SUCLG2: variants seen among roughly 807,000 people sequenced by gnomAD.
The protein encoded by SUCLG2 is succinate-CoA ligase GDP-forming subunit beta.
Under a neutral mutation model 47.9 loss-of-function variants are expected in SUCLG2, and 42 were observed. The observed-to-expected ratio is 0.88, with a 90% CI of 0.69 to 1.14. The LOEUF (loss-of-function observed/expected upper bound fraction) is 1.14, where lower values mean the gene tolerates loss of function less well. Among genes scored for constraint, SUCLG2 ranks in the 50% most tolerant of loss-of-function variants. The pLI is 0.00. For missense variants in SUCLG2, 571 were observed against 525.9 expected, an observed-to-expected ratio of 1.09 and a Z score of -0.84; for synonymous variants, 195 against 197.3, an observed-to-expected ratio of 0.99 and a Z score of 0.10.
rs578223726 is a variant in SUCLG2 at position 67,386,649 on chromosome 3, G to C, written c.1184-10790C>G. On this transcript the variant is annotated intron_variant, in intron 10 of 10. Coordinates refer to ENST00000307227, the MANE Select transcript of SUCLG2 (RefSeq NM_003848.4). ...CCCCTTTGTAAAACTACCAGATCTT[G>C]TGAGGCTTATTCACTATCAGGAGAA... 2.9e-3 allele frequency among the ~76,000 whole-genome samples: 441 copies of C among 152,300 alleles called. 2 individuals carry two copies. Among genetic ancestry groups the C allele is most frequent in the African/African-American group, 0.01 (427 of 41,568 alleles).
chr3:67,479,710 T>A (rs1704860939), intron 9 of SUCLG2, among the ~76,000 whole-genome samples: 2 of 152,206 alleles, frequency 1.3e-5, no homozygotes, highest in South Asian at 4.1e-4. Context: ...GATGGTAACT[T>A]AACGGGGACA....
intron 9 of SUCLG2, among the ~76,000 whole-genome samples, chr3:67,423,493 G>A (rs914560257): frequency 2.6e-5 from 4 of 152,070 alleles, no homozygotes; most frequent in Admixed American, 2.6e-4. Flanking sequence ...AGTACTCAAA[G>A]TCTAGACACT....
intron 1 of SUCLG2, among the ~76,000 whole-genome samples, chr3:67,636,034 C>T (rs781429343): frequency 2.0e-5 from 3 of 152,210 alleles, no homozygotes. Flanking sequence ...GGGATTCAAG[C>T]TCAAGCGGAG....
intron 1 of SUCLG2, among the ~76,000 whole-genome samples, chr3:67,609,927 G>C (rs540580085): frequency 1.0e-3 from 159 of 152,156 alleles, no homozygotes; most frequent in Middle Eastern, 6.8e-3. Context: ...TCAGCATTAG[G>C]GGAAGCTGGA....
chr3:67,653,940 G>T (rs918533621), intron 1 of SUCLG2, among the ~76,000 whole-genome samples: 3 of 152,188 alleles, frequency 2.0e-5, no homozygotes, highest in Non-Finnish European at 2.9e-5. Flanking sequence ...GGAAAGAGGA[G>T]AAAGATCGTT....
intron 10 of SUCLG2, among the ~76,000 whole-genome samples, chr3:67,378,051 T>C (rs1245611777): frequency 2.0e-5 from 3 of 152,202 alleles, no homozygotes; most frequent in Non-Finnish European, 4.4e-5. Flanking sequence ...TTAGACCTTA[T>C]GGGAATGAGA....
chr3:67,378,751 A>T (rs911897823), intron 10 of SUCLG2, among the ~76,000 whole-genome samples: 2 of 152,242 alleles, frequency 1.3e-5, no homozygotes, highest in Non-Finnish European at 2.9e-5. Flanking sequence ...ACACAGATGT[A>T]AAAATGTATT....
At chr3:67,382,094 A>G (rs1262065469) in intron 10 of SUCLG2, among the ~76,000 whole-genome samples, 1 of 152,210 alleles carries the variant, frequency 6.6e-6, no homozygotes, top group Admixed American at 6.5e-5. Context: ...TTTAATAGGA[A>G]TTCAGTTTTT....
chr3:67,581,251 T>A (rs1013742314), intron 2 of SUCLG2, among the ~76,000 whole-genome samples: 1 of 152,184 alleles, frequency 6.6e-6, no homozygotes, highest in Admixed American at 6.5e-5. Context: ...AAAATGCAGA[T>A]AAATTAAGAA....
rs185648634 is a variant in SUCLG2, at chr3:67,635,702, C to T, written c.84+18801G>A. ...GGATCCTGAACTCTGTCCTTCAGTT[C>T]TCCAGTGCAAAAAGACTACAGGTTT... On this transcript the variant is annotated intron_variant, in intron 1 of 10. Transcript: ENST00000307227. Among the ~76,000 whole-genome samples, 1,504 of 152,242 alleles carry T rather than the reference C, an allele frequency of 9.9e-3. 92 individuals carry two copies. Among genetic ancestry groups the T allele is most frequent in the Admixed American group, 0.087 (1,333 of 15,288 alleles).
chr3:67,544,194 A>T (rs761347214), intron 2 of SUCLG2, among the ~76,000 whole-genome samples: 48 of 152,226 alleles, frequency 3.2e-4, no homozygotes, highest in Non-Finnish European at 6.8e-4. Context: ...AAGCATTAAG[A>T]AGCAAATTAG....
At chr3:67,646,334 C>T (rs1349575618) in intron 1 of SUCLG2, among the ~76,000 whole-genome samples, 3 of 152,304 alleles carry the variant, frequency 2.0e-5, no homozygotes, top group Non-Finnish European at 2.9e-5. Flanking sequence ...CGGTGGCTCA[C>T]GCCTTAATCC....
At chr3:67,531,491 T>C (rs1459053004) in intron 2 of SUCLG2, among the ~76,000 whole-genome samples, 2 of 151,056 alleles carry the variant, frequency 1.3e-5, no homozygotes, top group Admixed American at 6.6e-5. Context: ...ACAGAAAGAG[T>C]TGTATCCTCA....
chr3:67,364,579 A>G (rs1054639749), intron 10 of SUCLG2, among the ~76,000 whole-genome samples: 1 of 152,202 alleles, frequency 6.6e-6, no homozygotes, highest in Non-Finnish European at 1.5e-5. Flanking sequence ...CCACCCACCC[A>G]GGAGTGATAA....
At chr3:67,388,036 G>T (rs1027500297) in intron 10 of SUCLG2, among the ~76,000 whole-genome samples, 7 of 151,848 alleles carry the variant, frequency 4.6e-5, no homozygotes, top group African/African-American at 1.7e-4. Flanking sequence ...CTGCTAATAG[G>T]ACCTGCTTCT....
chr3:67,625,910 G>T (rs1257021341), intron 1 of SUCLG2, among the ~76,000 whole-genome samples: 1 of 152,066 alleles, frequency 6.6e-6, no homozygotes, highest in African/African-American at 2.4e-5. Flanking sequence ...AGTGCCCCTG[G>T]TAGAGGAGAA....
intron 3 of SUCLG2, 132 bp from the exon 4 acceptor site, chr3:67,528,354 T>G: frequency 1.3e-6 from 1 of 764,070 alleles, no homozygotes; most frequent in Non-Finnish European, 2.2e-6. Flanking sequence ...TGAGTCTTTC[T>G]GCTTATGTGC....
chr3:67,550,529 T>G (rs1706984897), intron 2 of SUCLG2, among the ~76,000 whole-genome samples: 1 of 152,038 alleles, frequency 6.6e-6, no homozygotes, highest in Non-Finnish European at 1.5e-5. Flanking sequence ...TTGTTTTTTA[T>G]AGAGATGGGG....
intron 10 of SUCLG2, among the ~76,000 whole-genome samples, chr3:67,389,531 G>C (rs1296681609): frequency 6.6e-6 from 1 of 152,154 alleles, no homozygotes; most frequent in Non-Finnish European, 1.5e-5. Context: ...AGTACTTCCA[G>C]TGGAGAAAAA....
Sources: allele counts gnomAD v4.1 joint callset (sites outside exome capture counted in the v4.1 genomes callset), GRCh38; gene constraint gnomAD v4.1.1; transcripts MANE v1.5; gene names NCBI Gene and HGNC (gene_info 2026-07-23, HGNC 2026-07-21).